Variants in NDUFAF2 observed in about 807,000 individuals in gnomAD.
The protein encoded by NDUFAF2 is NADH dehydrogenase [ubiquinone] 1 alpha subcomplex assembly factor 2.
In NDUFAF2, 13 loss-of-function variants were observed where a neutral mutation model predicts 22.8. The observed-to-expected ratio is 0.57, with a 90% CI of 0.37 to 0.91. The LOEUF (loss-of-function observed/expected upper bound fraction) is 0.91, where lower values mean the gene tolerates loss of function less well. Ranked by LOEUF, NDUFAF2 falls within the 40% of genes least tolerant of loss-of-function variation. The pLI is 0.01. For missense variants in NDUFAF2, 162 were observed against 195.2 expected (o/e 0.83, Z 1.01); for synonymous variants, 53 against 64.2 (o/e 0.83, Z 0.84).
At chr5:61,052,861 T>TAAAATA (rs1752042576) in intron 1 of NDUFAF2, among the ~76,000 whole-genome samples, 1 of 152,142 alleles carries the variant, frequency 6.6e-6, no homozygotes, top group Admixed American at 6.5e-5. Flanking sequence ...TTTTGTTGAT[T>TAAAATA]TGGCTTTATT....
chr5:60,980,923 G>T (rs1750968509), intron 1 of NDUFAF2, among the ~76,000 whole-genome samples: 1 of 151,892 alleles, frequency 6.6e-6, no homozygotes, highest in Non-Finnish European at 1.5e-5. Flanking sequence ...GAAGAATGAA[G>T]TATGTTTACA....
chr5:61,060,003 CAG>C (rs1752144410), intron 1 of NDUFAF2, among the ~76,000 whole-genome samples: 1 of 152,078 alleles, frequency 6.6e-6, no homozygotes, highest in Admixed American at 6.6e-5. Context: ...AAATCTTAAA[CAG>C]AAAGAGCTTA....
chr5:61,091,329 G>T, intron 2 of NDUFAF2, among the ~76,000 whole-genome samples: 1 of 152,022 alleles, frequency 6.6e-6, no homozygotes, highest in East Asian at 1.9e-4. Context: ...CTTTTTCTCT[G>T]CAACCTTGCT....
chr5:61,070,910 C>T (rs899445479), intron 1 of NDUFAF2, among the ~76,000 whole-genome samples: 25 of 128,508 alleles, frequency 1.9e-4, no homozygotes, highest in African/African-American at 6.8e-4. Context: ...AATAGTTTTC[C>T]TTTCTATAAC....
At chr5:60,991,425 T>C (rs1481415053) in intron 1 of NDUFAF2, among the ~76,000 whole-genome samples, 2 of 152,192 alleles carry the variant, frequency 1.3e-5, no homozygotes, top group Non-Finnish European at 2.9e-5. Context: ...TAACTCTTTT[T>C]TGTACCTATT....
intron 1 of NDUFAF2, among the ~76,000 whole-genome samples, chr5:61,055,997 A>G (rs1752082208): frequency 6.6e-6 from 1 of 152,234 alleles, no homozygotes; most frequent in Non-Finnish European, 1.5e-5. Flanking sequence ...AATGAGTCAG[A>G]TAACATTAAT....
intron 1 of NDUFAF2, among the ~76,000 whole-genome samples, chr5:60,984,046 T>C (rs1287255007): frequency 1.3e-5 from 2 of 152,200 alleles, no homozygotes; most frequent in Non-Finnish European, 2.9e-5. Flanking sequence ...GGAATGTTCT[T>C]CCATTTGTTT....
At chr5:60,999,917 G>A (rs1197015918) in intron 1 of NDUFAF2, among the ~76,000 whole-genome samples, 1 of 151,952 alleles carries the variant, frequency 6.6e-6, no homozygotes, top group South Asian at 2.1e-4. Context: ...TGTTGTTTGT[G>A]TTTGTTTTTC....
intron 1 of NDUFAF2, among the ~76,000 whole-genome samples, chr5:61,027,917 A>G (rs1751672594): frequency 6.6e-6 from 1 of 151,996 alleles, no homozygotes; most frequent in South Asian, 2.1e-4. Context: ...ATATTTATTG[A>G]CTGCCATCTT....
At chr5:61,006,846 A>T (rs1384240314) in intron 1 of NDUFAF2, among the ~76,000 whole-genome samples, 8 of 152,118 alleles carry the variant, frequency 5.3e-5, no homozygotes, top group African/African-American at 2.4e-5. Flanking sequence ...AAAATTAATG[A>T]TCATTTTGGT....
chr5:61,062,674 G>A (rs1230889883), intron 1 of NDUFAF2, among the ~76,000 whole-genome samples: 1 of 152,108 alleles, frequency 6.6e-6, no homozygotes, highest in Non-Finnish European at 1.5e-5. Flanking sequence ...TCAAGTCTTG[G>A]GAGAGATATG....
At chr5:60,972,552 G>A (rs1486843950) in intron 1 of NDUFAF2, among the ~76,000 whole-genome samples, 1 of 152,116 alleles carries the variant, frequency 6.6e-6, no homozygotes, top group East Asian at 1.9e-4. Context: ...ATGCGGAACT[G>A]TGAGTCAATT....
chr5:60,986,924 G>A lies in NDUFAF2; in HGVS notation c.127+41542G>A, dbSNP rs186751265. Among the ~76,000 whole-genome samples the A allele has an allele frequency of 6.9e-4, 95 of 137,294 alleles. 2 individuals carry two copies. The highest frequency in any genetic ancestry group is 2.5e-3 in the African/African-American group (92 of 36,774). 90.1% of individuals were successfully genotyped at this position (137,294 alleles called of 152,430 possible). A position where few individuals can be genotyped will look rare whatever the true frequency, so the allele number is the denominator to read the frequency against. On this transcript the variant is annotated intron_variant, in intron 1 of 3. Coordinates refer to ENST00000296597, the MANE Select transcript of NDUFAF2 (RefSeq NM_174889.5). The stretch of plus-strand genomic sequence containing the variant: ...TCTAGCCCGGGCAATAATAGTGTGA[G>A]ACTCTTTTGTCTCAAAAAAAAAAAA...
chr5:60,954,151 A>G (rs1048294004), intron 1 of NDUFAF2, among the ~76,000 whole-genome samples: 1 of 152,170 alleles, frequency 6.6e-6, no homozygotes, highest in African/African-American at 2.4e-5. Flanking sequence ...ACCCATATCC[A>G]TGTCTCTGGT....
At chr5:60,977,421 C>CT (rs1750916687) in intron 1 of NDUFAF2, among the ~76,000 whole-genome samples, 5 of 99,342 alleles carry the variant, frequency 5.0e-5, no homozygotes, top group Admixed American at 1.2e-4. Context: ...GGAGCTGTCT[C>CT]CAAAAAAAAA....
chr5:61,017,959 C>T (rs1379251911), intron 1 of NDUFAF2, among the ~76,000 whole-genome samples: 1 of 152,076 alleles, frequency 6.6e-6, no homozygotes, highest in Non-Finnish European at 1.5e-5. Context: ...GCCATGTTGG[C>T]CAGGCTGATC....
intron 1 of NDUFAF2, among the ~76,000 whole-genome samples, chr5:61,057,617 G>T (rs1337391765): frequency 6.6e-6 from 1 of 151,998 alleles, no homozygotes; most frequent in Non-Finnish European, 1.5e-5. Context: ...AGAAAAGGTG[G>T]GTGGTACTCT....
intron 1 of NDUFAF2, among the ~76,000 whole-genome samples, chr5:60,973,523 T>G (rs1385529392): frequency 1.3e-5 from 2 of 152,204 alleles, no homozygotes; most frequent in African/African-American, 4.8e-5. Flanking sequence ...AGGGAAATTC[T>G]ATACTCAGAA....
At chr5:61,122,099 G>A (rs2111799998) in intron 3 of NDUFAF2, among the ~76,000 whole-genome samples, 1 of 152,188 alleles carries the variant, frequency 6.6e-6, no homozygotes, top group African/African-American at 2.4e-5. Flanking sequence ...CCAAAGTGTT[G>A]GGATTACAGG....
Sources: allele counts gnomAD v4.1 joint callset (sites outside exome capture counted in the v4.1 genomes callset), GRCh38; gene constraint gnomAD v4.1.1; transcripts MANE v1.5; gene names NCBI Gene and HGNC (gene_info 2026-07-23, HGNC 2026-07-21).